The following LARS2 variants were observed in gnomAD, a reference collection of about 807,000 sequenced individuals.
The protein encoded by LARS2 is leucine--tRNA ligase, mitochondrial.
In LARS2, 81 loss-of-function variants were observed where a neutral mutation model predicts 116.6. The ratio of observed to expected loss-of-function variants is 0.69; its 90% CI spans 0.58 to 0.84. The LOEUF (loss-of-function observed/expected upper bound fraction) is 0.84. Ranked by LOEUF, LARS2 falls within the 40% of genes least tolerant of loss-of-function variation. The pLI is 0.00. For synonymous variants in LARS2, 396 were observed against 407.2 expected, an observed-to-expected ratio of 0.97 and a Z score of 0.33; for missense variants, 968 against 1,114.5, an observed-to-expected ratio of 0.87 and a Z score of 1.87.
At chr3:45,429,257 CA>C (rs1698650944) in intron 6 of LARS2, among the ~76,000 whole-genome samples, 1 of 152,110 alleles carries the variant, frequency 6.6e-6, no homozygotes, top group South Asian at 2.1e-4. Context: ...CTTACAAGGC[CA>C]AAATCAAGGT....
At position 45,447,484 on chromosome 3, in the gene LARS2, GTTA is replaced by G. The variant is rs1429234688; in HGVS notation, c.606+510_606+512del. On this transcript the variant is annotated intron_variant, in intron 7 of 21. Transcript: ENST00000645846. Reference sequence around the variant, plus strand: ...GCCCTGTCCTAATAAATGGATTAATGTTATTATTGTGGGAATGAGCTCCCAATA... The same window carrying G: ...GCCCTGTCCTAATAAATGGATTAATGTTATTGTGGGAATGAGCTCCCAATA... 3.3e-5 allele frequency among the ~76,000 whole-genome samples: 5 copies of G among 152,272 alleles called. No individual in the cohort carries two copies. In the East Asian group the frequency reaches 9.6e-4, roughly 29 times the overall value.
intron 8 of LARS2, among the ~76,000 whole-genome samples, chr3:45,473,875 A>C (rs1254637138): frequency 6.6e-6 from 1 of 152,220 alleles, no homozygotes; most frequent in Non-Finnish European, 1.5e-5. Flanking sequence ...TGAATGACTT[A>C]GGGTTTCAAA....
In LARS2 at chr3:45,432,183, G is replaced by A. The variant is rs1056883235; in HGVS notation, c.516+12454G>A. On this transcript the variant is annotated intron_variant, in intron 6 of 21. Transcript: ENST00000645846. ...AATCAAAAATGGACAGAATTGAAGA[G>A]AGAAATAGACAGTTCCACAGTAATA... Among the ~76,000 whole-genome samples, 24 of 152,268 alleles carry A rather than the reference G, an allele frequency of 1.6e-4. No homozygotes were observed. The South Asian group carries it at 4.8e-3, about 30-fold the overall frequency.
intron 7 of LARS2, among the ~76,000 whole-genome samples, chr3:45,450,538 G>A (rs1699108936): frequency 6.6e-6 from 1 of 152,132 alleles, no homozygotes; most frequent in Admixed American, 6.5e-5. Flanking sequence ...GTAACCTCCA[G>A]TTCCATTCAT....
intron 19 of LARS2, among the ~76,000 whole-genome samples, chr3:45,523,594 A>G (rs907274538): frequency 1.1e-4 from 17 of 151,402 alleles, no homozygotes; most frequent in Non-Finnish European, 2.9e-5. Context: ...TGGTGCAGTC[A>G]TAGCTCACTG....
intron 4 of LARS2, among the ~76,000 whole-genome samples, chr3:45,401,013 G>A (rs1036707774): frequency 2.4e-4 from 36 of 152,166 alleles, no homozygotes; most frequent in Non-Finnish European, 4.3e-4. Context: ...CGGTTTCACT[G>A]TGTTAGCCAG....
chr3:45,523,559 C>T (rs1443222840), intron 19 of LARS2, among the ~76,000 whole-genome samples: 3 of 150,672 alleles, frequency 2.0e-5, no homozygotes, highest in Non-Finnish European at 2.9e-5. Flanking sequence ...GATAGGGTCT[C>T]ACTGTTGCCC....
intron 21 of LARS2, among the ~76,000 whole-genome samples, chr3:45,543,461 TTA>T (rs1203883529): frequency 2.2e-4 from 32 of 148,734 alleles, no homozygotes; most frequent in Middle Eastern, 3.6e-3. Flanking sequence ...TTTTTTTTTT[TTA>T]TTTTTTTATT....
At chr3:45,417,250 A>G (rs1698440888) in intron 4 of LARS2, among the ~76,000 whole-genome samples, 1 of 152,198 alleles carries the variant, frequency 6.6e-6, no homozygotes, top group Non-Finnish European at 1.5e-5. Context: ...AAAAGTACTC[A>G]TGAAAACACC....
rs538066955 is a variant in LARS2, at chr3:45,547,358, A to G, written c.2540A>G (p.Asn847Ser). 19 of 1,608,908 alleles carry G rather than the reference A, an allele frequency of 1.2e-5. No individual in the cohort carries two copies. The highest frequency in any genetic ancestry group is 2.2e-5 in the East Asian group (1 of 44,802). ...EVVQMAVLIN[N>S]KACGKIPVPQ... is the part of the protein sequence containing the mutation. ...GGCTTTTCTCCTTCTCAGATCAACA[A>G]TAAAGCTTGTGGCAAAATTCCTGTG... Residue 847 changes from asparagine to serine, a missense_variant, in exon 22 of 22, where the codon AAT becomes AGT. Transcript: ENST00000645846.
At chr3:45,469,976 T>C (rs1699493681) in intron 8 of LARS2, among the ~76,000 whole-genome samples, 2 of 152,256 alleles carry the variant, frequency 1.3e-5, no homozygotes, top group African/African-American at 4.8e-5. Flanking sequence ...TAGATGTTGT[T>C]GTTCAATCTT....
intron 4 of LARS2, among the ~76,000 whole-genome samples, chr3:45,404,195 CTT>C (rs1290944189): frequency 1.3e-5 from 2 of 152,164 alleles, no homozygotes; most frequent in African/African-American, 4.8e-5. Flanking sequence ...CTAAGGTTGT[CTT>C]TTTGTTTCAC....
intron 4 of LARS2, among the ~76,000 whole-genome samples, chr3:45,415,289 A>G (rs1270551938): frequency 6.6e-6 from 1 of 152,196 alleles, no homozygotes; most frequent in East Asian, 1.9e-4. Flanking sequence ...GGAGAATGAA[A>G]ATATCTTCTA....
At chr3:45,476,320 A>C in intron 9 of LARS2, 148 bp from the exon 10 acceptor site, 1 of 789,258 alleles carries the variant, frequency 1.3e-6, no homozygotes, top group Non-Finnish European at 2.1e-6. Context: ...TCCAGGCACC[A>C]TCTCAATCCC....
chr3:45,494,317 C>T (rs1217963111), intron 13 of LARS2, among the ~76,000 whole-genome samples: 1 of 152,170 alleles, frequency 6.6e-6, no homozygotes, highest in Non-Finnish European at 1.5e-5. Flanking sequence ...CTGGTATGAA[C>T]TACTTCACAA....
chr3:45,512,321 T>C (rs1700303480), intron 15 of LARS2, among the ~76,000 whole-genome samples: 1 of 152,208 alleles, frequency 6.6e-6, no homozygotes, highest in Middle Eastern at 3.2e-3. Context: ...GAGTTTGGAA[T>C]AGGTCTTGCT....
At chr3:45,510,413 C>T (rs1302421471) in intron 15 of LARS2, among the ~76,000 whole-genome samples, 1 of 151,036 alleles carries the variant, frequency 6.6e-6, no homozygotes, top group African/African-American at 2.4e-5. Context: ...GACCCTGTCT[C>T]AAAAAAAAAT....
At chr3:45,406,871 A>G (rs1698241343) in intron 4 of LARS2, among the ~76,000 whole-genome samples, 1 of 152,198 alleles carries the variant, frequency 6.6e-6, no homozygotes, top group Non-Finnish European at 1.5e-5. Context: ...CTGATGACAT[A>G]TTTAAAACTT....
At chr3:45,399,133 C>T (rs1698099878) in intron 3 of LARS2, among the ~76,000 whole-genome samples, 1 of 152,176 alleles carries the variant, frequency 6.6e-6, no homozygotes, top group South Asian at 2.1e-4. Flanking sequence ...GCTTATTTAT[C>T]ATCCCTGGAG....
Sources: gnomAD v4.1 joint callset for allele counts (sites outside exome capture counted in the v4.1 genomes callset) on GRCh38, gnomAD v4.1.1 for gene constraint, MANE v1.5 for transcripts, NCBI Gene and HGNC (gene_info 2026-07-23, HGNC 2026-07-21) for gene names.